The following FHIP1A variants were observed in gnomAD, a reference collection of about 807,000 sequenced individuals.
FHIP1A encodes the protein FHF complex subunit HOOK interacting protein 1A, also known as FHF complex subunit HOOK-interacting protein 1A.
FHIP1A carries 61 observed loss-of-function variants against 88.6 expected under a neutral mutation model. That is an observed-to-expected ratio of 0.69 (90% CI 0.56 to 0.85). The LOEUF (loss-of-function observed/expected upper bound fraction) is 0.85, where lower values mean the gene tolerates loss of function less well. FHIP1A is among the 40% of genes least tolerant of loss of function. FHIP1A has a pLI of 0.00. For synonymous variants in FHIP1A, 478 were observed against 496.0 expected (o/e 0.96, Z 0.48); for missense variants, 1,154 against 1,273.5 (o/e 0.91, Z 1.43).
chr4:151,439,414 T>C (rs1483246508), intron 1 of FHIP1A, among the ~76,000 whole-genome samples: 3 of 152,170 alleles, frequency 2.0e-5, no homozygotes, highest in South Asian at 2.1e-4. Flanking sequence ...TTGTATAATT[T>C]TAAAAAGTTT....
intron 3 of FHIP1A, among the ~76,000 whole-genome samples, chr4:151,557,947 T>A (rs1733017749): frequency 6.6e-6 from 1 of 152,178 alleles, no homozygotes; most frequent in Non-Finnish European, 1.5e-5. Flanking sequence ...ACAGTGTATG[T>A]TGTTCTATAT....
chr4:151,577,755 A>AT lies in FHIP1A; in HGVS notation c.411_412insT (p.Pro138SerfsTer50). On this transcript the variant is annotated frameshift_variant, in exon 5 of 14. Transcript: ENST00000435205. LOFTEE classifies it high-confidence loss of function. ...CGCACCAGCCTCTGCTGCACCACAA[A>AT]CCCATTCTGAAGCCTCTGATGATGT... is the stretch of plus-strand genomic sequence containing the variant. 6.4e-7 allele frequency: 1 copy of AT among 1,551,686 alleles called. No individual in the cohort carries two copies. The highest frequency in any genetic ancestry group is 8.7e-7 in the Non-Finnish European group (1 of 1,146,988).
chr4:151,445,602 A>T (rs901265137), intron 1 of FHIP1A, among the ~76,000 whole-genome samples: 2 of 151,956 alleles, frequency 1.3e-5, no homozygotes, highest in Non-Finnish European at 2.9e-5. Context: ...TATTATGAAT[A>T]ATAAAAGACA....
At chr4:151,644,090 T>C (rs17027742) in intron 9 of FHIP1A, among the ~76,000 whole-genome samples, 5,187 of 152,340 alleles carry the variant, frequency 0.034, 296 homozygotes, top group African/African-American at 0.12. Flanking sequence ...TCCAGCAGTA[T>C]ATAAAAGCAT....
chr4:151,661,239 T>C (rs977799455), intron 13 of FHIP1A, among the ~76,000 whole-genome samples: 2 of 152,040 alleles, frequency 1.3e-5, no homozygotes, highest in African/African-American at 4.8e-5. Flanking sequence ...AAGGTTGACA[T>C]GTACCTCAGT....
intron 1 of FHIP1A, among the ~76,000 whole-genome samples, chr4:151,411,349 AT>A (rs60777689): frequency 2.2e-5 from 3 of 136,720 alleles, no homozygotes; most frequent in Admixed American, 7.6e-5. Flanking sequence ...TTATATATAT[AT>A]TTTTTTTTTT....
intron 7 of FHIP1A, among the ~76,000 whole-genome samples, chr4:151,626,861 G>A (rs1008333479): frequency 2.0e-5 from 3 of 152,148 alleles, no homozygotes; most frequent in African/African-American, 4.8e-5. Flanking sequence ...AGAAGATTTC[G>A]TTTTACATTC....
chr4:151,589,699 T>C (rs562525187), intron 7 of FHIP1A, among the ~76,000 whole-genome samples: 54 of 152,202 alleles, frequency 3.5e-4, no homozygotes, highest in Non-Finnish European at 6.2e-4. Flanking sequence ...GAAGTTCAAT[T>C]TCTATGGACT....
chr4:151,643,755 C>G (rs1736684341), intron 9 of FHIP1A, among the ~76,000 whole-genome samples: 1 of 152,198 alleles, frequency 6.6e-6, no homozygotes, highest in Non-Finnish European at 1.5e-5. Flanking sequence ...ATTCAGAATA[C>G]TGGCGGGCTA....
At chr4:151,536,558 G>T (rs1032577661) in intron 3 of FHIP1A, among the ~76,000 whole-genome samples, 2 of 152,144 alleles carry the variant, frequency 1.3e-5, no homozygotes, top group African/African-American at 4.8e-5. Flanking sequence ...AATCATACAG[G>T]ATGAAACTAT....
chr4:151,527,529 GGAGACCGTGGGGAGAGCGAGAGCGAGAGA>G (rs1268020370), intron 3 of FHIP1A, among the ~76,000 whole-genome samples: 46 of 152,176 alleles, frequency 3.0e-4, no homozygotes, highest in African/African-American at 1.1e-3. Flanking sequence ...AGAGGGAGAG[GGAGACCGTGGGGAGAGCGAGAGCGAGAGA>G]GAGAGGGAGA....
At chr4:151,462,152 C>A (rs769581854) in intron 2 of FHIP1A, among the ~76,000 whole-genome samples, 9 of 152,148 alleles carry the variant, frequency 5.9e-5, no homozygotes, top group East Asian at 1.9e-4. Context: ...CAGAGTGAGA[C>A]CCTGTCTCTA....
At chr4:151,580,317 C>T (rs943154145) in intron 5 of FHIP1A, among the ~76,000 whole-genome samples, 33 of 152,194 alleles carry the variant, frequency 2.2e-4, no homozygotes, top group African/African-American at 8.0e-4. Context: ...CTTAGATCTA[C>T]ATGCCCAGTT....
At chr4:151,427,207 G>A (rs568094852) in intron 1 of FHIP1A, among the ~76,000 whole-genome samples, 2 of 152,110 alleles carry the variant, frequency 1.3e-5, no homozygotes, top group South Asian at 2.1e-4. Context: ...ATCACCAAAA[G>A]CAACATGTTT....
Position 151,638,672 on chromosome 4 carries a change from C to T in FHIP1A, c.1147-5C>T. ...GAACTAGAATGTGTGTCTCTTGCTTCCCAGCTTTGTGTGGTGTCTCTGGCA... is the reference window on the plus strand; with the variant it reads ...GAACTAGAATGTGTGTCTCTTGCTTTCCAGCTTTGTGTGGTGTCTCTGGCA... On this transcript the variant is annotated splice_region_variant and splice_polypyrimidine_tract_variant and intron_variant, in intron 8 of 13. Coordinates refer to ENST00000435205, the MANE Select transcript of FHIP1A (RefSeq NM_001109977.3). 1.3e-6 allele frequency: 2 copies of T among 1,540,396 alleles called. No homozygotes were observed. The highest frequency in any genetic ancestry group is 2.4e-5 in the South Asian group (2 of 83,200).
chr4:151,611,290 A>G (rs1429648451), intron 7 of FHIP1A, among the ~76,000 whole-genome samples: 1 of 152,170 alleles, frequency 6.6e-6, no homozygotes, highest in East Asian at 1.9e-4. Context: ...GCTCTATGTT[A>G]GTAACTCTTA....
chr4:151,438,410 C>T (rs1728283997), intron 1 of FHIP1A, among the ~76,000 whole-genome samples: 1 of 152,066 alleles, frequency 6.6e-6, no homozygotes, highest in South Asian at 2.1e-4. Context: ...GGGCACCTGT[C>T]ACACTACACT....
chr4:151,652,631 G>T (rs2126917301), intron 11 of FHIP1A, among the ~76,000 whole-genome samples: 1 of 152,334 alleles, frequency 6.6e-6, no homozygotes, highest in South Asian at 2.1e-4. Flanking sequence ...GGAAATGCAT[G>T]ATTAGTTGTC....
intron 3 of FHIP1A, among the ~76,000 whole-genome samples, chr4:151,486,583 C>G (rs1730088903): frequency 6.6e-6 from 1 of 152,152 alleles, no homozygotes; most frequent in African/African-American, 2.4e-5. Context: ...GGTTTAGTAA[C>G]TGAAAACTTG....
Sources: gnomAD v4.1 joint callset for allele counts (sites outside exome capture counted in the v4.1 genomes callset) on GRCh38, gnomAD v4.1.1 for gene constraint, MANE v1.5 for transcripts, NCBI Gene and HGNC (gene_info 2026-07-23, HGNC 2026-07-21) for gene names.